EXOC1L: variants seen among roughly 807,000 people sequenced by gnomAD.
EXOC1L encodes exocyst complex component 1-like.
Under a neutral mutation model 4.9 loss-of-function variants are expected in EXOC1L, and 10 were observed. The ratio of observed to expected loss-of-function variants is 2.02; its 90% confidence interval spans 1.25 to 3.43. The LOEUF (loss-of-function observed/expected upper bound fraction) is 3.43. Among genes scored for constraint, EXOC1L ranks in the 30% most tolerant of loss-of-function variants. The pLI is 0.00. For synonymous variants in EXOC1L, 41 were observed against 20.8 expected (o/e 1.97, Z -2.63); for missense variants, 114 against 59.4 (o/e 1.92, Z -3.02).
At chr4:55,827,540 A>G (rs1228103196) in intron 1 of EXOC1L, among the ~76,000 whole-genome samples, 1 of 152,226 alleles carries the variant, frequency 6.6e-6, no homozygotes, top group African/African-American at 2.4e-5. Flanking sequence ...TTCCTAACAC[A>G]GTGCTTGGTA....
chr4:55,834,699 A>T (rs1025139096), intron 2 of EXOC1L, among the ~76,000 whole-genome samples: 1 of 151,848 alleles, frequency 6.6e-6, no homozygotes, highest in Non-Finnish European at 1.5e-5. Flanking sequence ...ACTGTCTTTC[A>T]AGCTGTAGTT....
intron 1 of EXOC1L, among the ~76,000 whole-genome samples, chr4:55,822,156 T>A (rs762556900): frequency 5.3e-5 from 8 of 152,222 alleles, no homozygotes; most frequent in Non-Finnish European, 1.2e-4. Context: ...AATTCCATCA[T>A]GTATTTTTAA....
Position 55,837,379 on chromosome 4 carries a change from G to A in EXOC1L, c.*28G>A, listed in dbSNP as rs1720198659. The A allele has an allele frequency of 4.5e-6, 2 of 447,428 alleles. No homozygotes were observed. The highest frequency in any genetic ancestry group is 2.0e-5 in the African/African-American group (1 of 49,818). 27.7% of individuals were successfully genotyped at this position (447,428 alleles called of 1,614,324 possible). A position where few individuals can be genotyped will look rare whatever the true frequency, so the allele number is the denominator to read the frequency against. On this transcript the variant is annotated 3_prime_UTR_variant, in exon 3 of 3. Transcript: ENST00000636125. The stretch of plus-strand genomic sequence containing the variant: ...CTGTGTACCACATTCCTTCATCAGT[G>A]ACCTATGAAAATGGTTTCCCAAGTA...
intron 1 of EXOC1L, among the ~76,000 whole-genome samples, chr4:55,827,089 C>T (rs1023441397): frequency 1.3e-5 from 2 of 152,196 alleles, no homozygotes; most frequent in African/African-American, 2.4e-5. Context: ...CAACTTCTCT[C>T]TCTTATACAG....
chr4:55,830,780 G>A (rs967963748), intron 1 of EXOC1L, among the ~76,000 whole-genome samples: 1 of 152,170 alleles, frequency 6.6e-6, no homozygotes, highest in Non-Finnish European at 1.5e-5. Flanking sequence ...TACCAAGCGG[G>A]TTAACAATAG....
chr4:55,819,830 G>A lies in EXOC1L; in HGVS notation c.-197G>A. ...CCGCTGCTGCCACTGGGCAGATACC[G>A]CAGTGAGGGGTCTGACCGCGCTGAG... is the stretch of plus-strand genomic sequence containing the variant. On this transcript the variant is annotated 5_prime_UTR_variant, in exon 1 of 3. Coordinates refer to ENST00000636125, the MANE Select transcript of EXOC1L (RefSeq NM_001351574.3). The A allele has an allele frequency of 5.6e-6, 2 of 356,672 alleles. No homozygotes were observed. Among genetic ancestry groups the A allele is most frequent in the Non-Finnish European group, 1.0e-5 (2 of 200,340 alleles). The allele number at this position is 356,672 out of a possible 1,614,324, so 22.1% of individuals were successfully genotyped here.
intron 1 of EXOC1L, among the ~76,000 whole-genome samples, chr4:55,820,746 A>G (rs1221989689): frequency 6.6e-6 from 1 of 152,250 alleles, no homozygotes; most frequent in Non-Finnish European, 1.5e-5. Context: ...TGAAAATGGA[A>G]CTTTAAGGAT....
At chr4:55,829,309 T>C (rs1200310839) in intron 1 of EXOC1L, among the ~76,000 whole-genome samples, 1 of 152,216 alleles carries the variant, frequency 6.6e-6, no homozygotes, top group African/African-American at 2.4e-5. Flanking sequence ...TGGATCATTC[T>C]GATGTCTATT....
At position 55,822,439 on chromosome 4, in the gene EXOC1L, A is replaced by G. The variant is rs971873227; in HGVS notation, c.121+2292A>G. The stretch of plus-strand genomic sequence containing the variant: ...ACTAGCGTCCCCTACCTAGAACATT[A>G]TCACTGGAAGTTAAAAGTAGCATCT... On this transcript the variant is annotated intron_variant, in intron 1 of 2. Transcript: ENST00000636125. Among the ~76,000 whole-genome samples the G allele has an allele frequency of 7.2e-5, 11 of 152,286 alleles. No individual in the cohort carries two copies. In the East Asian group the frequency reaches 2.1e-3, roughly 29 times the overall value.
intron 1 of EXOC1L, among the ~76,000 whole-genome samples, chr4:55,829,692 A>C (rs1719974212): frequency 6.6e-6 from 1 of 152,160 alleles, no homozygotes. Flanking sequence ...CTCTGTCATC[A>C]ACTCTCAGCT....
At chr4:55,821,623 GTAATTAAC>G (rs1719745665) in intron 1 of EXOC1L, among the ~76,000 whole-genome samples, 1 of 151,850 alleles carries the variant, frequency 6.6e-6, no homozygotes, top group Admixed American at 6.6e-5. Flanking sequence ...TCCAAATTAT[GTAATTAAC>G]TAGACTTGTT....
At chr4:55,829,960 C>T (rs1719982392) in intron 1 of EXOC1L, among the ~76,000 whole-genome samples, 1 of 152,216 alleles carries the variant, frequency 6.6e-6, no homozygotes, top group South Asian at 2.1e-4. Context: ...ATGCAGTCCA[C>T]TTTCTTTGAT....
At chr4:55,835,453 G>A (rs1231623670) in intron 2 of EXOC1L, among the ~76,000 whole-genome samples, 3 of 151,752 alleles carry the variant, frequency 2.0e-5, no homozygotes, top group African/African-American at 7.3e-5. Context: ...TAGTGGTTGT[G>A]CTAGTTTACA....
intron 1 of EXOC1L, among the ~76,000 whole-genome samples, chr4:55,826,419 T>A (rs1719887218): frequency 6.6e-6 from 1 of 152,222 alleles, no homozygotes; most frequent in Non-Finnish European, 1.5e-5. Context: ...ATAGTGACTA[T>A]TTTACCATGG....
intron 2 of EXOC1L, among the ~76,000 whole-genome samples, chr4:55,832,789 G>A (rs1720067613): frequency 6.6e-6 from 1 of 151,822 alleles, no homozygotes; most frequent in Non-Finnish European, 1.5e-5. Flanking sequence ...TGCCTTCTTT[G>A]GATTGGTTGT....
chr4:55,820,254 T>G, intron 1 of EXOC1L, 107 bp downstream of exon 1: 72 of 374,170 alleles, frequency 1.9e-4, no homozygotes, highest in Non-Finnish European at 1.8e-4. Context: ...ATAGCACGTG[T>G]ACCTTCTTCT....
chr4:55,829,218 T>G (rs994258687), intron 1 of EXOC1L, among the ~76,000 whole-genome samples: 3 of 152,158 alleles, frequency 2.0e-5, no homozygotes, highest in Admixed American at 2.0e-4. Flanking sequence ...AACAAAACAT[T>G]TTTAACAGTT....
intron 1 of EXOC1L, among the ~76,000 whole-genome samples, chr4:55,823,789 A>G (rs1056335242): frequency 4.0e-5 from 6 of 151,784 alleles, no homozygotes; most frequent in African/African-American, 1.5e-4. Context: ...GCTCACTGCA[A>G]TCTCCGCCTC....
Position 55,837,393 on chromosome 4 carries a change from G to C in EXOC1L, c.*42G>C, listed in dbSNP as rs955634669. ...CCTTCATCAGTGACCTATGAAAATG[G>C]TTTCCCAAGTAAATATTGATTGTCA... On this transcript the variant is annotated 3_prime_UTR_variant, in exon 3 of 3. Transcript: ENST00000636125. 2 of 438,506 alleles carry C rather than the reference G, an allele frequency of 4.6e-6. No homozygotes were observed. Among genetic ancestry groups the C allele is most frequent in the Non-Finnish European group, 8.1e-6 (2 of 247,730 alleles). The allele number at this position is 438,506 out of a possible 1,614,324, so 27.2% of individuals were successfully genotyped here.
Sources: allele counts gnomAD v4.1 joint callset (sites outside exome capture counted in the v4.1 genomes callset), GRCh38; gene constraint gnomAD v4.1.1; transcripts MANE v1.5; gene names NCBI Gene and HGNC (gene_info 2026-07-23, HGNC 2026-07-21).